UNC13B: variants seen among roughly 807,000 people sequenced by gnomAD.
UNC13B encodes unc-13 homolog B.
A neutral mutation model predicts 211.0 loss-of-function variants in UNC13B; 144 were observed. The observed-to-expected ratio is 0.68, with a 90% CI of 0.60 to 0.78. The LOEUF (loss-of-function observed/expected upper bound fraction) is 0.78, where lower values mean the gene tolerates loss of function less well. UNC13B is among the 30% of genes least tolerant of loss of function. The probability of loss-of-function intolerance (pLI) is 0.00; values close to 1 mark genes in which losing one functional copy is unlikely to be tolerated. For synonymous variants in UNC13B, 709 were observed against 725.8 expected, an observed-to-expected ratio of 0.98 and a Z score of 0.37; for missense variants, 1,777 against 2,002.0, an observed-to-expected ratio of 0.89 and a Z score of 2.14.
rs146057073 is a variant in UNC13B at position 35,310,641 on chromosome 9, A to G, written c.9183A>G (p.Glu3061=). ...LSRDGQAGFG[E]QEKPLEVTGQ... Reference sequence around the variant, plus strand: ...GAGATGGCCAAGCAGGTTTTGGAGAACAAGAGAAACCCTTGGAGGTGACAG... The same window carrying G: ...GAGATGGCCAAGCAGGTTTTGGAGAGCAAGAGAAACCCTTGGAGGTGACAG... Residue 3061 remains glutamate, a synonymous_variant, in exon 10 of 40, where the codon GAA becomes GAG. Transcript: ENST00000635942. The G allele has an allele frequency of 1.9e-6, 3 of 1,613,884 alleles. No homozygotes were observed. The highest frequency in any genetic ancestry group is 1.3e-5 in the African/African-American group (1 of 74,858).
chr9:35,204,322 G>GGGGAA (rs1231807137), intron 1 of UNC13B, among the ~76,000 whole-genome samples: 1 of 152,228 alleles, frequency 6.6e-6, no homozygotes, highest in African/African-American at 2.4e-5. Context: ...GCAGTGCAGA[G>GGGGAA]GGGAAATGTG....
intron 1 of UNC13B, among the ~76,000 whole-genome samples, chr9:35,182,783 T>C (rs1428982667): frequency 2.6e-5 from 4 of 152,162 alleles, no homozygotes; most frequent in African/African-American, 9.7e-5. Flanking sequence ...GAGCACTGGG[T>C]TGGGGGTAAG....
chr9:35,205,646 T>C (rs1215760364), intron 1 of UNC13B, among the ~76,000 whole-genome samples: 1 of 152,248 alleles, frequency 6.6e-6, no homozygotes. Flanking sequence ...TGGAATAATA[T>C]AATATGTAGT....
intron 1 of UNC13B, among the ~76,000 whole-genome samples, chr9:35,211,562 A>G (rs1823966945): frequency 6.6e-6 from 1 of 152,226 alleles, no homozygotes; most frequent in African/African-American, 2.4e-5. Context: ...TACAATGAGT[A>G]TCTTTATTTT....
intron 11 of UNC13B, chr9:35,352,498 A>G: frequency 1.6e-6 from 2 of 1,232,114 alleles, no homozygotes; most frequent in Non-Finnish European, 2.0e-6. Context: ...TTTTTCAACA[A>G]CAACATCAGG....
At chr9:35,190,395 C>G (rs190519768) in intron 1 of UNC13B, among the ~76,000 whole-genome samples, 65 of 152,338 alleles carry the variant, frequency 4.3e-4, no homozygotes, top group South Asian at 2.7e-3. Context: ...TTATTACACA[C>G]CAAAGCTCTC....
chr9:35,170,307 A>T lies in UNC13B; in HGVS notation c.22+8002A>T, dbSNP rs572062028. 2.0e-5 allele frequency among the ~76,000 whole-genome samples: 3 copies of T among 152,248 alleles called. No individual in the cohort carries two copies. In the East Asian group the frequency reaches 5.8e-4, roughly 29 times the overall value. On this transcript the variant is annotated intron_variant, in intron 1 of 39. Transcript: ENST00000635942. ...CAGTCTCCTGAGTAGCTGGGACTAC[A>T]GGTGTCCACCACCACGCCTAGCTAA...
chr9:35,253,333 G>A (rs2131599696), intron 6 of UNC13B, among the ~76,000 whole-genome samples: 1 of 152,066 alleles, frequency 6.6e-6, no homozygotes, highest in Admixed American at 6.6e-5. Context: ...GTGGAGGTGG[G>A]GTCTTGCTAT....
At chr9:35,244,174 A>C (rs773377984) in intron 6 of UNC13B, among the ~76,000 whole-genome samples, 7 of 152,122 alleles carry the variant, frequency 4.6e-5, no homozygotes, top group Non-Finnish European at 1.0e-4. Context: ...AACAAAGGAG[A>C]CTGAGAAAGG....
intron 7 of UNC13B, chr9:35,290,989 TGA>T: frequency 7.0e-7 from 1 of 1,421,346 alleles, no homozygotes; most frequent in African/African-American, 1.4e-5. Flanking sequence ...TAATAATTGC[TGA>T]GATGGGGAAA....
At position 35,265,806 on chromosome 9, in the gene UNC13B, A is replaced by G. The variant is rs1827537682; in HGVS notation, c.526+6756A>G. Among the ~76,000 whole-genome samples the G allele has an allele frequency of 1.3e-5, 2 of 152,020 alleles. 1 individual carries two copies. The highest frequency in any genetic ancestry group is 4.2e-4 in the South Asian group (2 of 4,816). On this transcript the variant is annotated intron_variant, in intron 7 of 39. Transcript: ENST00000635942. ...AAACAAAGTTATTATTAAGAAAAGT[A>G]ATTGAGTTCTTGTTCATTCTTTTTC...
intron 11 of UNC13B, among the ~76,000 whole-genome samples, chr9:35,322,669 T>C (rs1445340871): frequency 6.6e-6 from 1 of 152,110 alleles, no homozygotes; most frequent in East Asian, 1.9e-4. Context: ...GTGACTTCCT[T>C]CTTGTTCTAT....
rs146675814 is a variant in UNC13B, at chr9:35,295,830, C to G, written c.661C>G (p.Arg221Gly). The G allele has an allele frequency of 2.2e-4, 363 of 1,614,018 alleles. 1 individual carries two copies. Among genetic ancestry groups the G allele is most frequent in the Non-Finnish European group, 3.0e-4 (355 of 1,180,030 alleles). Residue 221 changes from arginine (R) to glycine (G), a missense_variant, in exon 8 of 40, where the codon CGA becomes GGA. Physicochemically the swap from Arg to Gly is moderately radical, Grantham distance 125. Coordinates refer to ENST00000635942, the MANE Select transcript of UNC13B (RefSeq NM_001371189.2). ...ASVHQFPVPV[R>G]SPQQLLLQGS... Reference sequence around the variant, plus strand: ...TGTGCACCAGTTCCCTGTGCCGGTGCGATCGCCACAGCAGCTGCTACTTCA... The same window carrying G: ...TGTGCACCAGTTCCCTGTGCCGGTGGGATCGCCACAGCAGCTGCTACTTCA...
rs1829867212 is a variant in UNC13B, at chr9:35,305,251, GA to G, written c.5849del (p.Asn1950IlefsTer8). ...TTTTGAATCTTTTTAAGACTCAGGTGAATAAAGAAGGATCACCAAACTTAGA... is the reference window on the plus strand; with the variant it reads ...TTTTGAATCTTTTTAAGACTCAGGTGATAAAGAAGGATCACCAAACTTAGA... Reference protein sequence around the residue: ...GFLNLFKTQVNKEGSPNLEKI... With the variant: ...GFLNLFKTQVXKEGSPNLEKI... On this transcript the variant is annotated frameshift_variant, in exon 9 of 40. Coordinates refer to ENST00000635942, the MANE Select transcript of UNC13B (RefSeq NM_001371189.2). LOFTEE classifies it high-confidence loss of function. The G allele has an allele frequency of 2.5e-6, 1 of 398,820 alleles. No individual in the cohort carries two copies. Among genetic ancestry groups the G allele is most frequent in the Non-Finnish European group, 4.4e-6 (1 of 225,998 alleles). The allele number at this position is 398,820 out of a possible 1,614,324, so 24.7% of individuals were successfully genotyped here. A position where few individuals can be genotyped will look rare whatever the true frequency, so the allele number is the denominator to read the frequency against.
intron 1 of UNC13B, among the ~76,000 whole-genome samples, chr9:35,187,545 G>A (rs1822428121): frequency 6.6e-6 from 1 of 152,168 alleles, no homozygotes; most frequent in Admixed American, 6.5e-5. Flanking sequence ...ATTATGATAG[G>A]ATTGTGTTGT....
intron 11 of UNC13B, among the ~76,000 whole-genome samples, chr9:35,346,971 C>G (rs1832399035): frequency 6.6e-6 from 1 of 151,292 alleles, no homozygotes; most frequent in Non-Finnish European, 1.5e-5. Flanking sequence ...GTCACCCAAG[C>G]TGGAGTACAG....
intron 11 of UNC13B, among the ~76,000 whole-genome samples, chr9:35,315,493 C>T (rs535564058): frequency 6.6e-6 from 1 of 152,144 alleles, no homozygotes; most frequent in Non-Finnish European, 1.5e-5. Flanking sequence ...GCCTTCCCTC[C>T]ATTATGATCA....
At chr9:35,295,511 G>T (rs1280202274) in intron 7 of UNC13B, among the ~76,000 whole-genome samples, 185 bp from the exon 8 acceptor site, 1 of 152,136 alleles carries the variant, frequency 6.6e-6, no homozygotes, top group Non-Finnish European at 1.5e-5. Flanking sequence ...ATAAGGAAGA[G>T]AAACTTGTGG....
rs1457317775 is a variant in UNC13B at position 35,403,806 on chromosome 9, T to C, written c.12796T>C (p.Tyr4266His). The C allele has an allele frequency of 5.0e-6, 8 of 1,614,036 alleles. No homozygotes were observed. The highest frequency in any genetic ancestry group is 6.8e-6 in the Non-Finnish European group (8 of 1,180,032). Residue 4266 changes from tyrosine (Y) to histidine (H), a missense_variant, in exon 40 of 40, where the codon TAC (tyrosine) becomes CAC (histidine). Coordinates refer to ENST00000635942, the MANE Select transcript of UNC13B (RefSeq NM_001371189.2). ...SYELQICVKD[Y>H]CFAREDRVLG... ...TGAGTTGCAGATATGCGTGAAGGAT[T>C]ACTGCTTTGCCCGGGAAGATCGCGT...
Sources: gnomAD v4.1 joint callset for allele counts (sites outside exome capture counted in the v4.1 genomes callset) on GRCh38, gnomAD v4.1.1 for gene constraint, MANE v1.5 for transcripts, NCBI Gene and HGNC (gene_info 2026-07-23, HGNC 2026-07-21) for gene names.